The following PAPPA2 variants were observed in gnomAD, a reference collection of about 807,000 sequenced individuals.
PAPPA2 encodes pappalysin 2, also known as pappalysin-2.
In PAPPA2, 86 loss-of-function variants were observed where a neutral mutation model predicts 176.4. The observed-to-expected ratio is 0.49, with a 90% CI of 0.41 to 0.58. The LOEUF (loss-of-function observed/expected upper bound fraction) is 0.58, where lower values mean the gene tolerates loss of function less well. Ranked by LOEUF, PAPPA2 falls within the 20% of genes least tolerant of loss-of-function variation. The pLI is 0.00. For synonymous variants in PAPPA2, 809 were observed against 852.2 expected, an observed-to-expected ratio of 0.95 and a Z score of 0.88; for missense variants, 2,073 against 2,256.9, an observed-to-expected ratio of 0.92 and a Z score of 1.65.
rs745784745 is a variant in PAPPA2, at chr1:176,706,326, G to T, written c.3366-33G>T. On this transcript the variant is annotated intron_variant, in intron 9 of 22. Coordinates refer to ENST00000367662, the MANE Select transcript of PAPPA2 (RefSeq NM_020318.3). ...GCTAAACAAGAAAATTTGTGTGTAT[G>T]TGTTATATATGCATATATATTTTAC... The T allele has an allele frequency of 1.2e-5, 18 of 1,529,212 alleles. No homozygotes were observed. In the Admixed American group the frequency reaches 1.7e-4, roughly 14 times the overall value. 94.7% of individuals were successfully genotyped at this position (1,529,212 alleles called of 1,614,324 possible).
intron 7 of PAPPA2, among the ~76,000 whole-genome samples, chr1:176,698,250 T>G (rs927703919): frequency 6.6e-6 from 1 of 152,222 alleles, no homozygotes; most frequent in African/African-American, 2.4e-5. Context: ...ACTGCCCTAG[T>G]AAGGCGGGGC....
Position 176,736,560 on chromosome 1 carries a change from A to G in PAPPA2, c.3799-3066A>G, listed in dbSNP as rs545247936. On this transcript the variant is annotated intron_variant, in intron 12 of 22. Coordinates refer to ENST00000367662, the MANE Select transcript of PAPPA2 (RefSeq NM_020318.3). ...TTTAAATATATATCTTATAAAATAT[A>G]TAAATATATTTATATTTAAATTAAA... Among the ~76,000 whole-genome samples the G allele has an allele frequency of 2.3e-3, 334 of 147,230 alleles. 1 individual carries two copies. Among genetic ancestry groups the G allele is most frequent in the South Asian group, 0.02 (97 of 4,766 alleles).
At position 176,769,590 on chromosome 1, in the gene PAPPA2, A is replaced by T; in HGVS notation, c.4324-17A>T. 4 of 1,611,930 alleles carry T rather than the reference A, an allele frequency of 2.5e-6. No individual in the cohort carries two copies. In the South Asian group the frequency reaches 4.4e-5, roughly 18 times the overall value. ...CTTTTAATGTGACTTTGACAGAAGC[A>T]ATTTCTCTGTTTCTAGAAGGAAATT... On this transcript the variant is annotated splice_polypyrimidine_tract_variant and intron_variant, in intron 15 of 22. Coordinates refer to ENST00000367662, the MANE Select transcript of PAPPA2 (RefSeq NM_020318.3).
intron 14 of PAPPA2, among the ~76,000 whole-genome samples, chr1:176,748,629 A>G (rs113644862): frequency 0.016 from 2,379 of 152,338 alleles, 37 homozygotes; most frequent in South Asian, 0.039. Flanking sequence ...GTCATGTACC[A>G]CATTACATTT....
At chr1:176,769,327 G>A (rs1664115434) in intron 15 of PAPPA2, among the ~76,000 whole-genome samples, 3 of 152,174 alleles carry the variant, frequency 2.0e-5, no homozygotes, top group African/African-American at 7.2e-5. Flanking sequence ...GTAGAGAACA[G>A]GTCTGGAGGA....
Position 176,699,555 on chromosome 1 carries a change from G to C in PAPPA2, c.3202G>C (p.Val1068Leu), listed in dbSNP as rs200215096. Residue 1068 changes from valine to leucine, a missense_variant, in exon 8 of 23, where the codon GTG (valine) becomes CTG (leucine). Physicochemically the swap from Val to Leu is conservative, Grantham distance 32. This residue lies in a region of PAPPA2 where 846 missense variants were observed against 857.9 expected (regional missense o/e 0.99). Coordinates refer to ENST00000367662, the MANE Select transcript of PAPPA2 (RefSeq NM_020318.3). ...CCCATTTGCCAGTGGTTTGCCCGTGGTGGTGACACATTCTCACAGGAAGTT... is the reference window on the plus strand; with the variant it reads ...CCCATTTGCCAGTGGTTTGCCCGTGCTGGTGACACATTCTCACAGGAAGTT... Reference protein sequence around the residue: ...DPPFASGLPVVVTHSHRKFTD... With the variant: ...DPPFASGLPVLVTHSHRKFTD... The C allele has an allele frequency of 6.8e-6, 11 of 1,609,200 alleles. No individual in the cohort carries two copies. Among genetic ancestry groups the C allele is most frequent in the Admixed American group, 1.7e-5 (1 of 59,902 alleles).
At chr1:176,590,849 A>G (rs1258615106) in intron 2 of PAPPA2, among the ~76,000 whole-genome samples, 1 of 152,144 alleles carries the variant, frequency 6.6e-6, no homozygotes, top group Non-Finnish European at 1.5e-5. Flanking sequence ...TCTGGGCTCA[A>G]AATAATGATA....
chr1:176,716,444 C>T (rs1661376419), intron 12 of PAPPA2, among the ~76,000 whole-genome samples: 1 of 150,996 alleles, frequency 6.6e-6, no homozygotes, highest in Non-Finnish European at 1.5e-5. Flanking sequence ...TGGGGTTTCA[C>T]CACATTAGTC....
chr1:176,464,631 C>G (rs914654429), intron 1 of PAPPA2, among the ~76,000 whole-genome samples: 1 of 152,198 alleles, frequency 6.6e-6, no homozygotes, highest in African/African-American at 2.4e-5. Flanking sequence ...TTCCCAAACT[C>G]TCTCTAGCTG....
intron 3 of PAPPA2, among the ~76,000 whole-genome samples, chr1:176,604,344 GT>G (rs1438632442): frequency 3.9e-5 from 6 of 152,120 alleles, no homozygotes; most frequent in Non-Finnish European, 8.8e-5. Flanking sequence ...GAGGGAAGGG[GT>G]TTTTATACGT....
At chr1:176,470,959 G>C (rs1223314809) in intron 1 of PAPPA2, among the ~76,000 whole-genome samples, 1 of 152,062 alleles carries the variant, frequency 6.6e-6, no homozygotes, top group African/African-American at 2.4e-5. Context: ...GGGTCAAATA[G>C]CACATCCTCA....
intron 20 of PAPPA2, among the ~76,000 whole-genome samples, chr1:176,795,603 A>T (rs186789911): frequency 1.3e-5 from 2 of 152,222 alleles, no homozygotes; most frequent in Admixed American, 1.3e-4. Context: ...AATTGTTTGC[A>T]TGTAAATGAG....
chr1:176,559,699 C>T (rs115530542), intron 2 of PAPPA2, among the ~76,000 whole-genome samples: 3,208 of 152,316 alleles, frequency 0.021, 68 homozygotes, highest in African/African-American at 0.057. Flanking sequence ...TTCACCTATG[C>T]AGAATGACAA....
chr1:176,610,941 A>G (rs189080114), intron 3 of PAPPA2, among the ~76,000 whole-genome samples: 2 of 152,340 alleles, frequency 1.3e-5, no homozygotes, highest in East Asian at 3.9e-4. Flanking sequence ...TGGGAGAGAC[A>G]GACATGTATG....
At position 176,793,515 on chromosome 1, in the gene PAPPA2, G is replaced by T; in HGVS notation, c.5021-45G>T. On this transcript the variant is annotated intron_variant, in intron 19 of 22. Coordinates refer to ENST00000367662, the MANE Select transcript of PAPPA2 (RefSeq NM_020318.3). ...TTGATTCCTGAAAGAAAAAGAATGA[G>T]ATCTGGGAAGTTCAAGTCTCTGCTG... 3.4e-6 allele frequency: 5 copies of T among 1,479,016 alleles called. 1 individual carries two copies. In the South Asian group the frequency reaches 5.7e-5, roughly 17 times the overall value. 91.6% of individuals were successfully genotyped at this position (1,479,016 alleles called of 1,614,324 possible). A position where few individuals can be genotyped will look rare whatever the true frequency, so the allele number is the denominator to read the frequency against.
intron 12 of PAPPA2, among the ~76,000 whole-genome samples, chr1:176,733,487 C>A (rs1662257125): frequency 6.6e-6 from 1 of 152,128 alleles, no homozygotes; most frequent in Non-Finnish European, 1.5e-5. Context: ...TCATTTCCCT[C>A]TTTCCTGTTT....
At chr1:176,716,348 C>T (rs1341633916) in intron 12 of PAPPA2, among the ~76,000 whole-genome samples, 2 of 150,874 alleles carry the variant, frequency 1.3e-5, no homozygotes, top group Non-Finnish European at 2.9e-5. Flanking sequence ...CGGGTTCAAG[C>T]GATTCTCCTG....
intron 3 of PAPPA2, among the ~76,000 whole-genome samples, chr1:176,664,008 CT>C (rs1316555126): frequency 6.6e-6 from 1 of 152,144 alleles, no homozygotes; most frequent in Non-Finnish European, 1.5e-5. Flanking sequence ...TCTTTTCCTC[CT>C]CTTGAGTCCA....
chr1:176,795,294 C>A (rs992076481), intron 20 of PAPPA2, among the ~76,000 whole-genome samples: 1 of 152,156 alleles, frequency 6.6e-6, no homozygotes, highest in African/African-American at 2.4e-5. Context: ...TTCTCCTTCA[C>A]CCCCGGTATC....
Sources: allele counts gnomAD v4.1 joint callset (sites outside exome capture counted in the v4.1 genomes callset), GRCh38; gene constraint gnomAD v4.1.1; regional missense constraint gnomAD v4.1.1; transcripts MANE v1.5; gene names NCBI Gene and HGNC (gene_info 2026-07-23, HGNC 2026-07-21).